RIPOR2: variants seen among roughly 807,000 people sequenced by gnomAD.
RIPOR2 encodes the protein rho family-interacting cell polarization regulator 2.
In RIPOR2, 39 loss-of-function variants were observed where a neutral mutation model predicts 114.5. That is an observed-to-expected ratio of 0.34 (90% CI 0.26 to 0.44). RIPOR2 has a LOEUF of 0.44. RIPOR2 is among the 20% of genes least tolerant of loss of function. RIPOR2 has a pLI of 1.00. For synonymous variants in RIPOR2, 445 were observed against 484.4 expected (o/e 0.92, Z 1.07); for missense variants, 1,007 against 1,255.1 (o/e 0.80, Z 2.99).
intron 14 of RIPOR2, among the ~76,000 whole-genome samples, chr6:24,836,466 A>G (rs550210439): frequency 2.0e-5 from 3 of 152,300 alleles, no homozygotes; most frequent in Admixed American, 1.3e-4. Flanking sequence ...AACTGTATGA[A>G]GTTATATCAT....
chr6:24,991,618 C>G (rs78788186), intron 1 of RIPOR2, among the ~76,000 whole-genome samples: 1 of 152,158 alleles, frequency 6.6e-6, no homozygotes, highest in Non-Finnish European at 1.5e-5. Context: ...GAATTCACAA[C>G]CAAACCTCAC....
At position 24,927,314 on chromosome 6, in the gene RIPOR2, T is replaced by TCACCACCACCAC. The variant is rs1561783108; in HGVS notation, c.61+8523_61+8524insGTGGTGGTGGTG. The stretch of plus-strand genomic sequence containing the variant: ...ACCACCACCACCACCACAACTACAA[T>TCACCACCACCAC]CACTACCACCATCACCACCACCACC... On this transcript the variant is annotated intron_variant, in intron 1 of 21. Transcript: ENST00000643898. Among the ~76,000 whole-genome samples, 15 of 58,244 alleles carry TCACCACCACCAC rather than the reference T, an allele frequency of 2.6e-4. 1 individual carries two copies. Among genetic ancestry groups the TCACCACCACCAC allele is most frequent in the African/African-American group, 7.0e-4 (12 of 17,230 alleles). The allele number at this position is 58,244 out of a possible 152,430, so 38.2% of individuals were successfully genotyped here. A position where few individuals can be genotyped will look rare whatever the true frequency, so the allele number is the denominator to read the frequency against.
At chr6:24,971,253 C>T (rs879418977) in intron 1 of RIPOR2, among the ~76,000 whole-genome samples, 10 of 152,190 alleles carry the variant, frequency 6.6e-5, no homozygotes, top group Non-Finnish European at 1.3e-4. Context: ...AGGCAGCCTG[C>T]CATCATTGCC....
chr6:24,872,987 T>A, intron 3 of RIPOR2, 28 bp from the exon 4 acceptor site: 1 of 1,486,746 alleles, frequency 6.7e-7, no homozygotes, highest in Non-Finnish European at 9.4e-7. Flanking sequence ...GATGTAATCG[T>A]AATCTCTGCG....
chr6:24,959,175 A>C (rs1309695929), intron 1 of RIPOR2, among the ~76,000 whole-genome samples: 1 of 151,830 alleles, frequency 6.6e-6, no homozygotes, highest in African/African-American at 2.4e-5. Context: ...TTAGGGGCCC[A>C]CCCTATTCCT....
intron 1 of RIPOR2, among the ~76,000 whole-genome samples, chr6:24,935,388 G>C (rs919308091): frequency 4.7e-5 from 7 of 150,226 alleles, no homozygotes; most frequent in Non-Finnish European, 7.4e-5. Context: ...GACAGAGAGA[G>C]AGAGAGACAG....
At position 25,035,949 on chromosome 6, in the gene RIPOR2, C is replaced by T. The variant is rs142877329; in HGVS notation, c.76+5902G>A. On this transcript the variant is annotated intron_variant, in intron 1 of 13. Coordinates refer to the RIPOR2 transcript ENST00000510784. ...AATCAGAGTGCCTTCCAGAGCTGCACGTGCAGTGAGGAATAGCCAGCTGGG... is the reference window on the plus strand; with the variant it reads ...AATCAGAGTGCCTTCCAGAGCTGCATGTGCAGTGAGGAATAGCCAGCTGGG... Among the ~76,000 whole-genome samples, 637 of 152,288 alleles carry T rather than the reference C, an allele frequency of 4.2e-3. 1 individual carries two copies. The highest frequency in any genetic ancestry group is 8.1e-3 in the South Asian group (39 of 4,822).
At chr6:24,894,046 T>C (rs1445278053) in intron 1 of RIPOR2, among the ~76,000 whole-genome samples, 1 of 152,116 alleles carries the variant, frequency 6.6e-6, no homozygotes, top group East Asian at 1.9e-4. Flanking sequence ...TACCAAAGAA[T>C]TTAGTAGTCC....
chr6:24,941,818 T>C (rs769290116), intron 1 of RIPOR2, among the ~76,000 whole-genome samples: 9 of 152,168 alleles, frequency 5.9e-5, no homozygotes, highest in Non-Finnish European at 1.3e-4. Flanking sequence ...CTGTACAGTC[T>C]GCCCCTCCTC....
At chr6:24,976,398 G>T (rs1300859589) in intron 1 of RIPOR2, 1 of 1,470,976 alleles carries the variant, frequency 6.8e-7, no homozygotes, top group African/African-American at 1.4e-5. Flanking sequence ...CGCCGCCGAG[G>T]AAAACCGTGT....
At chr6:24,986,174 C>A (rs776645123) in intron 1 of RIPOR2, among the ~76,000 whole-genome samples, 1 of 152,196 alleles carries the variant, frequency 6.6e-6, no homozygotes, top group Non-Finnish European at 1.5e-5. Context: ...TATGTGCACT[C>A]ATTTAATCTT....
At chr6:24,830,802 G>C in intron 16 of RIPOR2, 132 bp from the exon 17 acceptor site, 1 of 890,842 alleles carries the variant, frequency 1.1e-6, no homozygotes, top group East Asian at 2.9e-5. Context: ...TGGAACTTCC[G>C]CCTCCTGGGT....
chr6:24,890,123 G>T (rs1321787336), intron 1 of RIPOR2, among the ~76,000 whole-genome samples: 1 of 152,018 alleles, frequency 6.6e-6, no homozygotes, highest in African/African-American at 2.4e-5. Context: ...TCGAACTCCT[G>T]ATCTCAGGAG....
rs1387456679 is a variant in RIPOR2, at chr6:24,825,131, T to C, written c.2868+95A>G. 8.5e-6 allele frequency: 8 copies of C among 937,810 alleles called. No individual in the cohort carries two copies. The African/African-American group carries it at 1.3e-4, about 15-fold the overall frequency. The allele number at this position is 937,810 out of a possible 1,614,324, so 58.1% of individuals were successfully genotyped here. A position where few individuals can be genotyped will look rare whatever the true frequency, so the allele number is the denominator to read the frequency against. ...CACACATTATTAATACGCAGAAAAA[T>C]TATTTTTATAAAGGAATAAATGCTA... is the stretch of plus-strand genomic sequence containing the variant. On this transcript the variant is annotated intron_variant, in intron 19 of 21. Coordinates refer to ENST00000643898, the MANE Select transcript of RIPOR2 (RefSeq NM_001286445.3).
chr6:24,897,997 C>T (rs1768056412), intron 1 of RIPOR2, among the ~76,000 whole-genome samples: 2 of 151,418 alleles, frequency 1.3e-5, no homozygotes, highest in African/African-American at 4.9e-5. Flanking sequence ...GCACTCCAGC[C>T]TGGGTGACAG....
rs769816451 is a variant in RIPOR2 at position 25,003,423 on chromosome 6, T to TATTATTATTATC, written c.76+38427_76+38428insGATAATAATAAT. Among the ~76,000 whole-genome samples the TATTATTATTATC allele has an allele frequency of 9.6e-4, 132 of 137,798 alleles. 1 individual carries two copies. Among genetic ancestry groups the TATTATTATTATC allele is most frequent in the East Asian group, 7.0e-3 (33 of 4,684 alleles). The allele number at this position is 137,798 out of a possible 152,430, so 90.4% of individuals were successfully genotyped here. The stretch of plus-strand genomic sequence containing the variant: ...TTATTATTATTATTATTATTATTAT[T>TATTATTATTATC]ATCATCTCCTTTTTCTTCTTTTCGA... On this transcript the variant is annotated intron_variant, in intron 1 of 13. Coordinates refer to the RIPOR2 transcript ENST00000510784.
intron 6 of RIPOR2, among the ~76,000 whole-genome samples, chr6:24,866,649 A>T (rs1387334876): frequency 7.5e-6 from 1 of 133,816 alleles, no homozygotes; most frequent in African/African-American, 3.2e-5. Context: ...GTGCTTAGCT[A>T]AAAAAAAAAC....
In RIPOR2 at chr6:24,831,287, A is replaced by T. The variant is rs4626417; in HGVS notation, c.2345-617T>A. 8.0e-3 allele frequency among the ~76,000 whole-genome samples: 1,217 copies of T among 152,240 alleles called. 15 individuals carry two copies. Among genetic ancestry groups the T allele is most frequent in the African/African-American group, 0.026 (1,096 of 41,558 alleles). On this transcript the variant is annotated intron_variant, in intron 16 of 21. Transcript: ENST00000643898. ...GCTCTACCCTTGGGCAGCATTCCAA[A>T]CTTGTGATTTCCTATAACTCCACAG... is the stretch of plus-strand genomic sequence containing the variant.
intron 14 of RIPOR2, among the ~76,000 whole-genome samples, chr6:24,837,905 C>T (rs149867702): frequency 6.6e-6 from 1 of 152,188 alleles, no homozygotes; most frequent in East Asian, 1.9e-4. Flanking sequence ...GAAATCATAG[C>T]TTGCTGTAAC....
Sources: allele counts gnomAD v4.1 joint callset (sites outside exome capture counted in the v4.1 genomes callset), GRCh38; gene constraint gnomAD v4.1.1; transcripts MANE v1.5; gene names NCBI Gene and HGNC (gene_info 2026-07-23, HGNC 2026-07-21).